SESTD1: variants seen among roughly 807,000 people sequenced by gnomAD.
The protein encoded by SESTD1 is SEC14 domain and spectrin repeat-containing protein 1.
A neutral mutation model predicts 101.7 loss-of-function variants in SESTD1; 43 were observed. The ratio of observed to expected loss-of-function variants is 0.42; its 90% CI spans 0.33 to 0.55. The LOEUF (loss-of-function observed/expected upper bound fraction) is 0.55, where lower values mean the gene tolerates loss of function less well. Ranked by LOEUF, SESTD1 falls within the 20% of genes least tolerant of loss-of-function variation. The pLI, the probability that SESTD1 is intolerant of heterozygous loss-of-function variation, is 0.07. For missense variants in SESTD1, 647 were observed against 815.1 expected (o/e 0.79, Z 2.51); for synonymous variants, 283 against 286.8 (o/e 0.99, Z 0.13).
chr2:179,114,798 C>T (rs2044591817), intron 16 of SESTD1, among the ~76,000 whole-genome samples: 1 of 152,080 alleles, frequency 6.6e-6, no homozygotes, highest in African/African-American at 2.4e-5. Flanking sequence ...GGACACCAGG[C>T]TTGGTGAGGA....
chr2:179,116,143 C>T (rs1307829088), intron 15 of SESTD1, among the ~76,000 whole-genome samples: 3 of 151,824 alleles, frequency 2.0e-5, no homozygotes, highest in Admixed American at 6.6e-5. Flanking sequence ...GCGTGGTGGC[C>T]GGTGCCTGTA....
intron 17 of SESTD1, 62 bp from the exon 18 acceptor site, chr2:179,110,090 A>G: frequency 6.4e-7 from 1 of 1,554,560 alleles, no homozygotes; most frequent in Non-Finnish European, 8.8e-7. Context: ...TGCAGTGAAT[A>G]CAAATAGAAG....
intron 1 of SESTD1, among the ~76,000 whole-genome samples, chr2:179,233,690 C>T (rs185775564): frequency 6.2e-4 from 94 of 152,290 alleles, no homozygotes; most frequent in Non-Finnish European, 6.2e-4. Flanking sequence ...TTGACCTCAA[C>T]TACTCCACCT....
chr2:179,207,172 G>A (rs2046601532), intron 1 of SESTD1, among the ~76,000 whole-genome samples: 1 of 134,256 alleles, frequency 7.4e-6, no homozygotes, highest in Admixed American at 7.2e-5. Flanking sequence ...CCAAACCGGA[G>A]AAACCAAAGT....
intron 3 of SESTD1, among the ~76,000 whole-genome samples, chr2:179,177,717 G>A (rs1314058246): frequency 6.6e-6 from 1 of 152,178 alleles, no homozygotes; most frequent in Admixed American, 6.5e-5. Flanking sequence ...GCAAACTGAT[G>A]CATATGTTCA....
intron 7 of SESTD1, 44 bp from the exon 8 acceptor site, chr2:179,146,501 T>A: frequency 6.6e-7 from 1 of 1,511,312 alleles, no homozygotes; most frequent in Non-Finnish European, 9.1e-7. Context: ...CATATTTCTA[T>A]CAATGTAACT....
At chr2:179,185,490 AATAT>A (rs980379138) in intron 2 of SESTD1, among the ~76,000 whole-genome samples, 1 of 141,052 alleles carries the variant, frequency 7.1e-6, no homozygotes, top group Non-Finnish European at 1.5e-5. Flanking sequence ...TCATATATAC[AATAT>A]ATATTATATC....
At chr2:179,137,094 C>T (rs528156973) in intron 9 of SESTD1, among the ~76,000 whole-genome samples, 1 of 152,250 alleles carries the variant, frequency 6.6e-6, no homozygotes, top group South Asian at 2.1e-4. Context: ...TCAACCAGGA[C>T]ATCTTGCTCA....
chr2:179,245,094 G>T (rs537551780), intron 1 of SESTD1, among the ~76,000 whole-genome samples: 3 of 152,344 alleles, frequency 2.0e-5, no homozygotes, highest in Non-Finnish European at 4.4e-5. Flanking sequence ...GGTGGCTCAT[G>T]CCTGTAATCC....
intron 13 of SESTD1, among the ~76,000 whole-genome samples, chr2:179,117,986 T>C (rs560472629): frequency 1.3e-5 from 2 of 152,288 alleles, no homozygotes; most frequent in Admixed American, 1.3e-4. Context: ...ATGATATTTT[T>C]TTGAGACAAG....
Position 179,109,393 on chromosome 2 carries a change from A to G in SESTD1, c.*506T>C, listed in dbSNP as rs780679769. 2.4e-4 allele frequency: 61 copies of G among 256,114 alleles called. No homozygotes were observed. The highest frequency in any genetic ancestry group is 4.0e-4 in the Non-Finnish European group (54 of 136,472). The allele number at this position is 256,114 out of a possible 1,614,324, so 15.9% of individuals were successfully genotyped here. On this transcript the variant is annotated 3_prime_UTR_variant, in exon 18 of 18. Transcript: ENST00000428443. ...GAAAAGGTCTTTTAATGACTATGAT[A>G]TATCAAAGATCTGAAAGGCTTTCTC...
At position 179,252,251 on chromosome 2, in the gene SESTD1, G is replaced by C. The variant is rs115452722; in HGVS notation, c.-26+12248C>G. 5.6e-3 allele frequency among the ~76,000 whole-genome samples: 860 copies of C among 152,228 alleles called. 5 individuals are homozygous for C. Among genetic ancestry groups the C allele is most frequent in the Non-Finnish European group, 0.011 (731 of 68,004 alleles). ...ATCCACTCACTCTATTTCTAATCTTGGAGTTCTTAGGTATTTTGAAAGTAA... is the reference window on the plus strand; with the variant it reads ...ATCCACTCACTCTATTTCTAATCTTCGAGTTCTTAGGTATTTTGAAAGTAA... On this transcript the variant is annotated intron_variant, in intron 1 of 17. Transcript: ENST00000428443.
At chr2:179,202,663 C>T (rs2046536064) in intron 1 of SESTD1, among the ~76,000 whole-genome samples, 1 of 134,868 alleles carries the variant, frequency 7.4e-6, no homozygotes, top group East Asian at 2.0e-4. Context: ...GTTTGTCTCC[C>T]TTTTTGGCCA....
intron 5 of SESTD1, among the ~76,000 whole-genome samples, chr2:179,170,481 G>A (rs1378432913): frequency 1.3e-5 from 2 of 152,010 alleles, no homozygotes; most frequent in South Asian, 2.1e-4. Context: ...CTTTGTCCCC[G>A]GTTCCTGGCA....
intron 14 of SESTD1, 119 bp from the exon 15 acceptor site, chr2:179,116,909 A>C (rs372261030): frequency 3.8e-6 from 5 of 1,319,028 alleles, no homozygotes; most frequent in Non-Finnish European, 3.1e-6. Context: ...TATAACCTAA[A>C]GTCTTAAAAG....
chr2:179,221,617 G>GGA (rs1480168712), intron 1 of SESTD1, among the ~76,000 whole-genome samples: 1 of 142,202 alleles, frequency 7.0e-6, no homozygotes, highest in Non-Finnish European at 1.5e-5. Flanking sequence ...AGACTGTTAA[G>GGA]GAAAAAAAAA....
At chr2:179,198,066 C>A (rs1020180754) in intron 1 of SESTD1, among the ~76,000 whole-genome samples, 2 of 152,090 alleles carry the variant, frequency 1.3e-5, no homozygotes, top group African/African-American at 4.8e-5. Context: ...AGGAAACCCA[C>A]CTCACATGCA....
At chr2:179,205,836 C>T (rs1028533934) in intron 1 of SESTD1, among the ~76,000 whole-genome samples, 2 of 134,048 alleles carry the variant, frequency 1.5e-5, no homozygotes, top group Admixed American at 1.4e-4. Flanking sequence ...CTTCTAGAGT[C>T]TCCTTTCCAT....
intron 3 of SESTD1, among the ~76,000 whole-genome samples, chr2:179,181,386 G>A (rs958655336): frequency 1.3e-5 from 2 of 152,284 alleles, no homozygotes; most frequent in East Asian, 3.9e-4. Context: ...AATTCAGTGT[G>A]AATAACTTGC....
Sources: gnomAD v4.1 joint callset for allele counts (sites outside exome capture counted in the v4.1 genomes callset) on GRCh38, gnomAD v4.1.1 for gene constraint, MANE v1.5 for transcripts, NCBI Gene and HGNC (gene_info 2026-07-23, HGNC 2026-07-21) for gene names.